RIN2: variants seen among roughly 807,000 people sequenced by gnomAD.
RIN2 encodes Ras and Rab interactor 2.
In RIN2, 36 loss-of-function variants were observed where a neutral mutation model predicts 78.0. The ratio of observed to expected loss-of-function variants is 0.46; its 90% CI spans 0.35 to 0.61. The LOEUF (loss-of-function observed/expected upper bound fraction) is 0.61. Among genes scored for constraint, RIN2 ranks in the 20% least tolerant of loss-of-function variants. The pLI, the probability that RIN2 is intolerant of heterozygous loss-of-function variation, is 0.00. For synonymous variants in RIN2, 466 were observed against 466.8 expected (o/e 1.00, Z 0.02); for missense variants, 1,087 against 1,159.7 (o/e 0.94, Z 0.91).
At chr20:19,791,144 A>G (rs564235198) in intron 1 of RIN2, among the ~76,000 whole-genome samples, 2 of 152,334 alleles carry the variant, frequency 1.3e-5, no homozygotes, top group South Asian at 4.1e-4. Flanking sequence ...AAAATCAGCC[A>G]GTGGCTTTGA....
intron 2 of RIN2, among the ~76,000 whole-genome samples, chr20:19,841,940 G>T (rs1463554212): frequency 1.3e-5 from 2 of 152,228 alleles, no homozygotes; most frequent in Non-Finnish European, 2.9e-5. Flanking sequence ...GATTTTCATT[G>T]TAGATGAAAC....
intron 3 of RIN2, among the ~76,000 whole-genome samples, chr20:19,915,144 A>T (rs1246584569): frequency 6.6e-6 from 1 of 152,220 alleles, no homozygotes; most frequent in Non-Finnish European, 1.5e-5. Context: ...CTCCAGTAGC[A>T]GAGACAGAAT....
chr20:19,987,986 G>C (rs1200116826), intron 9 of RIN2, among the ~76,000 whole-genome samples: 1 of 152,138 alleles, frequency 6.6e-6, no homozygotes, highest in Admixed American at 6.5e-5. Flanking sequence ...TTGGGGGACT[G>C]TTTTCATTGT....
chr20:19,785,344 G>A (rs932966240), intron 1 of RIN2, among the ~76,000 whole-genome samples: 1 of 151,796 alleles, frequency 6.6e-6, no homozygotes, highest in African/African-American at 2.4e-5. Flanking sequence ...CTAATTAAAT[G>A]TCCTAACATA....
In RIN2 at chr20:19,897,011, G is replaced by A. The variant is rs2038761892; in HGVS notation, c.57+7353G>A. On this transcript the variant is annotated intron_variant, in intron 3 of 12. Transcript: ENST00000255006. ...GACAAAAATGGTATATATTTATTGT[G>A]TACATGTTATTTGAAAACATGTATT... is the stretch of plus-strand genomic sequence containing the variant. Among the ~76,000 whole-genome samples the A allele has an allele frequency of 3.3e-5, 5 of 152,024 alleles. No homozygotes were observed. In the South Asian group the frequency reaches 1.0e-3, roughly 32 times the overall value.
chr20:19,970,547 T>G (rs2042071661), intron 7 of RIN2, among the ~76,000 whole-genome samples: 1 of 152,192 alleles, frequency 6.6e-6, no homozygotes, highest in Non-Finnish European at 1.5e-5. Flanking sequence ...TCAGCAATTC[T>G]GATGTAAACT....
intron 1 of RIN2, among the ~76,000 whole-genome samples, chr20:19,788,492 C>CT (rs1470971831): frequency 6.9e-6 from 1 of 145,024 alleles, no homozygotes; most frequent in Admixed American, 6.9e-5. Context: ...ATCCCAGTTA[C>CT]TTGGAAGGCT....
intron 9 of RIN2, among the ~76,000 whole-genome samples, chr20:19,985,082 T>C (rs1474482092): frequency 6.6e-6 from 1 of 152,184 alleles, no homozygotes; most frequent in Non-Finnish European, 1.5e-5. Context: ...ATTTCTCCAG[T>C]CTTCAGCTTT....
chr20:19,974,692 C>T lies in RIN2; in HGVS notation c.667C>T (p.Leu223Phe), dbSNP rs971990637. Residue 223 changes from leucine (L) to phenylalanine (F), a missense_variant, in exon 9 of 13, where the codon CTT becomes TTT. This residue lies in a region of RIN2 where 706 missense variants were observed against 667.5 expected (regional missense o/e 1.06). Transcript: ENST00000255006. ...SSPADSKPPN[L>F]PPPHRPLSSD... ...CCCAGCTGACAGCAAACCCCCGAAC[C>T]TTCCACCTCCCCATAGGCCTCTTTC... is the stretch of plus-strand genomic sequence containing the variant. 1.2e-6 allele frequency: 2 copies of T among 1,613,812 alleles called. No individual in the cohort carries two copies. Among genetic ancestry groups the T allele is most frequent in the Non-Finnish European group, 1.7e-6 (2 of 1,179,720 alleles).
rs73285585 is a variant in RIN2 at position 19,984,066 on chromosome 20, A to C, written c.1763-5940A>C. Among the ~76,000 whole-genome samples the C allele has an allele frequency of 6.3e-3, 920 of 146,432 alleles. 13 individuals carry two copies. The highest frequency in any genetic ancestry group is 0.023 in the African/African-American group (879 of 38,136). On this transcript the variant is annotated intron_variant, in intron 9 of 12. Transcript: ENST00000255006. ...AACAACAGGCCCCCATGAAGCTGGA[A>C]ACCATCATTCTGAGCAAACTATCGC... is the stretch of plus-strand genomic sequence containing the variant.
At chr20:19,874,062 G>GTGTC (rs1491223680) in intron 2 of RIN2, among the ~76,000 whole-genome samples, 1 of 7,290 alleles carries the variant, frequency 1.4e-4, no homozygotes, top group African/African-American at 4.0e-4. Context: ...TCACATTTTG[G>GTGTC]TGTGTGTGTG....
At chr20:19,903,139 A>G (rs909135366) in intron 3 of RIN2, among the ~76,000 whole-genome samples, 3 of 152,214 alleles carry the variant, frequency 2.0e-5, no homozygotes, top group Non-Finnish European at 4.4e-5. Flanking sequence ...AATTTAACTT[A>G]GCATCCTGTA....
intron 2 of RIN2, among the ~76,000 whole-genome samples, chr20:19,874,649 A>G (rs961244347): frequency 9.2e-5 from 14 of 152,126 alleles, no homozygotes; most frequent in Admixed American, 2.0e-4. Flanking sequence ...GAAGGAAACA[A>G]TTTGCACAGC....
intron 7 of RIN2, among the ~76,000 whole-genome samples, chr20:19,966,859 G>A (rs929596182): frequency 6.6e-6 from 1 of 152,118 alleles, no homozygotes; most frequent in Non-Finnish European, 1.5e-5. Context: ...GAAATGAAAT[G>A]TGCTGCCCAA....
At chr20:19,905,878 A>G (rs1169503036) in intron 3 of RIN2, among the ~76,000 whole-genome samples, 1 of 152,254 alleles carries the variant, frequency 6.6e-6, no homozygotes. Flanking sequence ...TTCCTAAAAT[A>G]TTCATTCTCT....
At chr20:19,799,981 G>C (rs1354509958) in intron 2 of RIN2, among the ~76,000 whole-genome samples, 1 of 152,142 alleles carries the variant, frequency 6.6e-6, no homozygotes, top group African/African-American at 2.4e-5. Context: ...AGGAGCCCAC[G>C]AGCATAAAGG....
chr20:19,885,948 A>G (rs1296361726), intron 2 of RIN2, among the ~76,000 whole-genome samples: 3 of 147,660 alleles, frequency 2.0e-5, no homozygotes, highest in African/African-American at 7.7e-5. Context: ...AGAAATTAAG[A>G]GAAGAGGAGA....
At chr20:19,871,774 G>C (rs1043938335) in intron 2 of RIN2, 1 of 152,152 alleles carries the variant, frequency 6.6e-6, no homozygotes, top group African/African-American at 2.4e-5. Context: ...AGGAATCATA[G>C]GCAGGAACTC....
intron 3 of RIN2, among the ~76,000 whole-genome samples, chr20:19,928,143 T>C (rs549200849): frequency 6.6e-6 from 1 of 152,338 alleles, no homozygotes; most frequent in African/African-American, 2.4e-5. Flanking sequence ...CTTCAGGTCA[T>C]CTGCCCACCT....
Sources: gnomAD v4.1 joint callset for allele counts (sites outside exome capture counted in the v4.1 genomes callset) on GRCh38, gnomAD v4.1.1 for gene constraint, gnomAD v4.1.1 regional missense constraint, MANE v1.5 for transcripts, NCBI Gene and HGNC (gene_info 2026-07-23, HGNC 2026-07-21) for gene names.